Variants in ACER3 observed in about 807,000 individuals in gnomAD.
ACER3 encodes the protein alkCDase 3.
Under a neutral mutation model 48.9 loss-of-function variants are expected in ACER3, and 16 were observed. The observed-to-expected ratio is 0.33, with a 90% confidence interval of 0.22 to 0.50. ACER3 has a LOEUF of 0.50. Among genes scored for constraint, ACER3 ranks in the 20% least tolerant of loss-of-function variants. ACER3 has a pLI of 0.98. For missense variants in ACER3, 227 were observed against 326.0 expected, an observed-to-expected ratio of 0.70 and a Z score of 2.34; for synonymous variants, 109 against 107.8, an observed-to-expected ratio of 1.01 and a Z score of -0.07.
At chr11:76,985,838 C>T (rs769972224) in intron 5 of ACER3, 114 bp downstream of exon 5, 130 of 551,940 alleles carry the variant, frequency 2.4e-4, no homozygotes, top group Non-Finnish European at 3.8e-4. Context: ...TCTTTCTACA[C>T]AAAACAAGAA....
At chr11:76,948,635 G>A (rs1947547629) in intron 2 of ACER3, among the ~76,000 whole-genome samples, 1 of 152,164 alleles carries the variant, frequency 6.6e-6, no homozygotes, top group Non-Finnish European at 1.5e-5. Flanking sequence ...GGCTGCTGAT[G>A]CCTTGACACT....
intron 2 of ACER3, among the ~76,000 whole-genome samples, chr11:76,929,446 G>C (rs964144489): frequency 1.8e-4 from 27 of 152,170 alleles, no homozygotes; most frequent in East Asian, 7.7e-4. Context: ...AATTGAATAC[G>C]CTTTATTTCT....
chr11:76,937,116 C>G (rs1228923799), intron 2 of ACER3, among the ~76,000 whole-genome samples: 1 of 152,082 alleles, frequency 6.6e-6, no homozygotes, highest in African/African-American at 2.4e-5. Context: ...AAATAGCTCA[C>G]AAGTATAAGA....
chr11:77,003,614 T>C (rs1555020321), intron 7 of ACER3, among the ~76,000 whole-genome samples: 3 of 152,198 alleles, frequency 2.0e-5, no homozygotes, highest in African/African-American at 7.2e-5. Flanking sequence ...TCATTTCTTT[T>C]TCAAGGTTCT....
intron 6 of ACER3, among the ~76,000 whole-genome samples, chr11:76,991,868 A>G (rs1565217198): frequency 1.3e-5 from 2 of 150,836 alleles, no homozygotes; most frequent in Admixed American, 6.6e-5. Flanking sequence ...TTTCTTGTTT[A>G]TTGTAACTTG....
intron 7 of ACER3, among the ~76,000 whole-genome samples, chr11:76,999,537 A>G (rs1948986216): frequency 6.6e-6 from 1 of 152,132 alleles, no homozygotes; most frequent in African/African-American, 2.4e-5. Flanking sequence ...GCTTGATATG[A>G]ATACAGTCAA....
chr11:76,930,872 G>C (rs1028070089), intron 2 of ACER3, among the ~76,000 whole-genome samples: 6 of 152,102 alleles, frequency 3.9e-5, no homozygotes, highest in Admixed American at 1.3e-4. Flanking sequence ...GCTGAGGAGA[G>C]CTTTACTTCC....
rs1434464709 is a variant in ACER3, at chr11:77,024,487, C to T, written c.*4160C>T. On this transcript the variant is annotated 3_prime_UTR_variant, in exon 11 of 11. Coordinates refer to ENST00000532485, the MANE Select transcript of ACER3 (RefSeq NM_018367.7). ...CGTGAAATTCAAACTGAAGATAAAA[C>T]TCTGACTTTGGAGTATAAACTTTTG... is the stretch of plus-strand genomic sequence containing the variant. 6.6e-6 allele frequency: 1 copy of T among 152,042 alleles called. No homozygotes were observed. The highest frequency in any genetic ancestry group is 1.5e-5 in the Non-Finnish European group (1 of 68,014). 9.4% of individuals were successfully genotyped at this position (152,042 alleles called of 1,614,324 possible).
In ACER3 at chr11:77,025,392, T is replaced by TTATATATATATATATATA. The variant is rs149589077; in HGVS notation, c.*5067_*5084dup. 24 of 135,832 alleles carry TTATATATATATATATATA rather than the reference T, an allele frequency of 1.8e-4. No individual in the cohort carries two copies. The highest frequency in any genetic ancestry group is 5.9e-4 in the African/African-American group (19 of 32,292). The allele number at this position is 135,832 out of a possible 1,614,324, so 8.4% of individuals were successfully genotyped here. A position where few individuals can be genotyped will look rare whatever the true frequency, so the allele number is the denominator to read the frequency against. On this transcript the variant is annotated 3_prime_UTR_variant, in exon 11 of 11. Transcript: ENST00000532485. ...TGGTTATTTTATTTTATTTTATTCTTTATATATATATATATATATTTATTT... is the reference window on the plus strand; with the variant it reads ...TGGTTATTTTATTTTATTTTATTCTTTATATATATATATATATATATATATATATATATATATTTATTT...
At chr11:76,922,361 T>C (rs1388022602) in intron 1 of ACER3, among the ~76,000 whole-genome samples, 1 of 152,190 alleles carries the variant, frequency 6.6e-6, no homozygotes, top group Non-Finnish European at 1.5e-5. Context: ...ATGTTTCCAT[T>C]GCTTTATCTT....
Position 76,974,161 on chromosome 11 carries a change from C to T in ACER3, c.268-2128C>T, listed in dbSNP as rs189694840. Among the ~76,000 whole-genome samples, 17 of 152,178 alleles carry T rather than the reference C, an allele frequency of 1.1e-4. 1 individual carries two copies. The East Asian group carries it at 3.1e-3, about 28-fold the overall frequency. ...CTTGAAATTGGAGAGTGTGAGTATTCCAAGTTTGTTGTTCTTTATTGTTTT... is the reference window on the plus strand; with the variant it reads ...CTTGAAATTGGAGAGTGTGAGTATTTCAAGTTTGTTGTTCTTTATTGTTTT... On this transcript the variant is annotated intron_variant, in intron 3 of 10. Transcript: ENST00000532485.
intron 7 of ACER3, among the ~76,000 whole-genome samples, chr11:77,004,734 A>G (rs1555020502): frequency 6.6e-6 from 1 of 152,196 alleles, no homozygotes; most frequent in Non-Finnish European, 1.5e-5. Context: ...CCATATTAGC[A>G]TAGCATTGTT....
chr11:76,939,853 G>A, intron 2 of ACER3, among the ~76,000 whole-genome samples: 1 of 152,166 alleles, frequency 6.6e-6, no homozygotes, highest in Non-Finnish European at 1.5e-5. Flanking sequence ...ACGGCTAAAT[G>A]CAATATGTAA....
intron 1 of ACER3, among the ~76,000 whole-genome samples, chr11:76,898,525 G>A (rs1032338916): frequency 6.6e-6 from 1 of 152,130 alleles, no homozygotes; most frequent in African/African-American, 2.4e-5. Context: ...AGTTTTAATG[G>A]AGTATATTTT....
chr11:76,895,128 C>G (rs1432728297), intron 1 of ACER3, among the ~76,000 whole-genome samples: 1 of 151,848 alleles, frequency 6.6e-6, no homozygotes, highest in African/African-American at 2.4e-5. Context: ...TAATTTTTAC[C>G]CAGTTGCCTC....
At chr11:76,952,008 G>A (rs1335830304) in intron 2 of ACER3, among the ~76,000 whole-genome samples, 1 of 152,036 alleles carries the variant, frequency 6.6e-6, no homozygotes, top group Non-Finnish European at 1.5e-5. Flanking sequence ...TGGAGAGGAA[G>A]CAGATGAACA....
intron 3 of ACER3, among the ~76,000 whole-genome samples, chr11:76,960,481 A>C (rs1347878669): frequency 6.6e-6 from 1 of 152,112 alleles, no homozygotes; most frequent in Non-Finnish European, 1.5e-5. Flanking sequence ...CTCTATATAT[A>C]ATCAATATAA....
At chr11:76,900,140 G>C (rs1171792201) in intron 1 of ACER3, among the ~76,000 whole-genome samples, 2 of 151,512 alleles carry the variant, frequency 1.3e-5, no homozygotes, top group Non-Finnish European at 2.9e-5. Flanking sequence ...ACCAGCCTGG[G>C]CAACATAGCA....
chr11:76,864,644 G>A (rs1302398242), intron 1 of ACER3, among the ~76,000 whole-genome samples: 1 of 122,198 alleles, frequency 8.2e-6, no homozygotes, highest in Non-Finnish European at 1.6e-5. Context: ...CTGTTGCCTA[G>A]GCTGGAATGC....
Sources: gnomAD v4.1 joint callset for allele counts (sites outside exome capture counted in the v4.1 genomes callset) on GRCh38, gnomAD v4.1.1 for gene constraint, MANE v1.5 for transcripts, NCBI Gene and HGNC (gene_info 2026-07-23, HGNC 2026-07-21) for gene names.